TMEM41B: variants seen among roughly 807,000 people sequenced by gnomAD.
TMEM41B encodes protein stasimon.
Under a neutral mutation model 31.9 loss-of-function variants are expected in TMEM41B, and 18 were observed. The observed-to-expected ratio is 0.56, with a 90% CI of 0.39 to 0.84. The LOEUF (loss-of-function observed/expected upper bound fraction) is 0.84, where lower values mean the gene tolerates loss of function less well. TMEM41B is among the 40% of genes least tolerant of loss of function. TMEM41B has a pLI of 0.00. For missense variants in TMEM41B, 322 were observed against 348.0 expected (o/e 0.93, Z 0.59); for synonymous variants, 144 against 124.3 (o/e 1.16, Z -1.05).
At chr11:9,295,917 C>T (rs763591880) in intron 2 of TMEM41B, among the ~76,000 whole-genome samples, 16 of 151,918 alleles carry the variant, frequency 1.1e-4, no homozygotes, top group South Asian at 4.1e-4. Context: ...AGTGCATTGG[C>T]GCGATCTCGG....
chr11:9,312,117 A>C (rs1300584478), intron 1 of TMEM41B, among the ~76,000 whole-genome samples: 2 of 152,162 alleles, frequency 1.3e-5, no homozygotes, highest in Non-Finnish European at 1.5e-5. Flanking sequence ...TGCTCCTGAC[A>C]AATTAATCTC....
Position 9,288,547 on chromosome 11 carries a change from T to C in TMEM41B, c.369-12A>G, listed in dbSNP as rs1209343314. The C allele has an allele frequency of 6.5e-7, 1 of 1,539,302 alleles. No homozygotes were observed. Among genetic ancestry groups the C allele is most frequent in the South Asian group, 1.2e-5 (1 of 80,132 alleles). The stretch of plus-strand genomic sequence containing the variant: ...CAAATGTTTGCAAGCTGGTAACTTT[T>C]AAGTTAAGGATTAGAATATAATTAA... On this transcript the variant is annotated splice_polypyrimidine_tract_variant and intron_variant, in intron 3 of 6. Coordinates refer to ENST00000528080, the MANE Select transcript of TMEM41B (RefSeq NM_015012.4).
At chr11:9,308,385 G>T (rs2133649183) in intron 1 of TMEM41B, among the ~76,000 whole-genome samples, 1 of 152,238 alleles carries the variant, frequency 6.6e-6, no homozygotes, top group South Asian at 2.1e-4. Flanking sequence ...CATTAAGATG[G>T]AGAACTTGCT....
chr11:9,285,860 T>C (rs993037111), intron 6 of TMEM41B, among the ~76,000 whole-genome samples: 1 of 149,734 alleles, frequency 6.7e-6, no homozygotes, highest in Non-Finnish European at 1.5e-5. Context: ...CTCACGCCTA[T>C]AATCCCAGCA....
chr11:9,302,131 C>G (rs1853278558), intron 1 of TMEM41B, among the ~76,000 whole-genome samples: 1 of 97,978 alleles, frequency 1.0e-5, no homozygotes, highest in Admixed American at 9.7e-5. Flanking sequence ...CTCAGCCTCC[C>G]GAGTAGCTAG....
At chr11:9,289,480 T>C (rs1852907026) in intron 3 of TMEM41B, among the ~76,000 whole-genome samples, 1 of 152,140 alleles carries the variant, frequency 6.6e-6, no homozygotes, top group South Asian at 2.1e-4. Flanking sequence ...ATTTTACTCA[T>C]GTTCTCATTT....
At chr11:9,299,138 G>T (rs890742122) in intron 2 of TMEM41B, among the ~76,000 whole-genome samples, 1 of 151,502 alleles carries the variant, frequency 6.6e-6, no homozygotes, top group Admixed American at 6.6e-5. Context: ...AAAATTAGCT[G>T]GGTGTGGTGG....
chr11:9,286,419 A>C (rs776931006), intron 6 of TMEM41B, 36 bp downstream of exon 6: 1 of 1,588,058 alleles, frequency 6.3e-7, no homozygotes, highest in Non-Finnish European at 8.6e-7. Flanking sequence ...ATATGTACAC[A>C]GTGAGCTCAT....
At chr11:9,310,444 AT>A (rs201091459) in intron 1 of TMEM41B, among the ~76,000 whole-genome samples, 4 of 151,872 alleles carry the variant, frequency 2.6e-5, no homozygotes, top group South Asian at 2.1e-4. Flanking sequence ...CTTCTATTCC[AT>A]TTTTTTTAAA....
At chr11:9,298,931 T>C (rs774131431) in intron 2 of TMEM41B, among the ~76,000 whole-genome samples, 57 of 152,062 alleles carry the variant, frequency 3.7e-4, no homozygotes, top group Non-Finnish European at 6.2e-4. Context: ...AATCTATGAT[T>C]ATACCAGGGT....
intron 1 of TMEM41B, among the ~76,000 whole-genome samples, chr11:9,306,111 TG>T (rs929724384): frequency 3.3e-5 from 5 of 151,194 alleles, no homozygotes; most frequent in African/African-American, 9.7e-5. Context: ...CCCAAGCAAC[TG>T]GGATTACAGG....
chr11:9,305,940 T>C (rs1270017325), intron 1 of TMEM41B, among the ~76,000 whole-genome samples: 1 of 151,708 alleles, frequency 6.6e-6, no homozygotes, highest in Non-Finnish European at 1.5e-5. Context: ...TACACACATG[T>C]GCCTTTTAGC....
At chr11:9,291,154 C>A (rs1005620318) in intron 3 of TMEM41B, among the ~76,000 whole-genome samples, 5 of 151,880 alleles carry the variant, frequency 3.3e-5, no homozygotes, top group African/African-American at 9.7e-5. Flanking sequence ...GGCGCGGTGG[C>A]TCATACCTGT....
At chr11:9,306,137 C>T (rs1044950715) in intron 1 of TMEM41B, among the ~76,000 whole-genome samples, 2 of 151,846 alleles carry the variant, frequency 1.3e-5, no homozygotes, top group African/African-American at 2.4e-5. Context: ...GGCCACCACC[C>T]CCAGCTAATT....
rs1351175872 is a variant in TMEM41B, at chr11:9,311,634, C to G, written c.121+2687G>C. On this transcript the variant is annotated intron_variant, in intron 1 of 6. Coordinates refer to ENST00000528080, the MANE Select transcript of TMEM41B (RefSeq NM_015012.4). ...GGCAGGATTGGAACCTCCAGGGCAC[C>G]CAATGTTGGGTGGATATGGATTTGG... The G allele has an allele frequency of 7.9e-6, 7 of 886,576 alleles. No individual in the cohort carries two copies. The East Asian group carries it at 1.7e-4, about 22-fold the overall frequency. 54.9% of individuals were successfully genotyped at this position (886,576 alleles called of 1,614,324 possible). A position where few individuals can be genotyped will look rare whatever the true frequency, so the allele number is the denominator to read the frequency against.
At chr11:9,288,122 C>A (rs1852877183) in intron 4 of TMEM41B, 2 of 366,698 alleles carry the variant, frequency 5.5e-6, no homozygotes, top group East Asian at 1.2e-4. Context: ...CCGACCCCCC[C>A]AGTTCCTAAG....
At position 9,299,716 on chromosome 11, in the gene TMEM41B, A is replaced by AAATT; in HGVS notation, c.122-16_122-15insAATT. On this transcript the variant is annotated splice_polypyrimidine_tract_variant and intron_variant, in intron 1 of 6. Coordinates refer to ENST00000528080, the MANE Select transcript of TMEM41B (RefSeq NM_015012.4). The stretch of plus-strand genomic sequence containing the variant: ...CCAGGATTTTTCTGGAAGAAAAAAG[A>AAATT]AAGTATAATTAAGATAAATATAAAG... 1 of 1,520,208 alleles carries AAATT rather than the reference A, an allele frequency of 6.6e-7. No individual in the cohort carries two copies. The highest frequency in any genetic ancestry group is 9.1e-7 in the Non-Finnish European group (1 of 1,103,382). The allele number at this position is 1,520,208 out of a possible 1,614,324, so 94.2% of individuals were successfully genotyped here.
chr11:9,314,127 C>T (rs533633055), intron 1 of TMEM41B, among the ~76,000 whole-genome samples, 194 bp downstream of exon 1: 34 of 152,344 alleles, frequency 2.2e-4, no homozygotes, highest in African/African-American at 8.2e-4. Context: ...GCATTTACAA[C>T]GCACCTACTC....
At chr11:9,288,156 T>TG (rs1852878222) in intron 4 of TMEM41B, 1 of 336,932 alleles carries the variant, frequency 3.0e-6, no homozygotes, top group Non-Finnish European at 5.3e-6. Flanking sequence ...CCTCTGGCTC[T>TG]GGGACTTAAC....
Sources: gnomAD v4.1 joint callset for allele counts (sites outside exome capture counted in the v4.1 genomes callset) on GRCh38, gnomAD v4.1.1 for gene constraint, MANE v1.5 for transcripts, NCBI Gene and HGNC (gene_info 2026-07-23, HGNC 2026-07-21) for gene names.